The following MRGBP variants were observed in gnomAD, a reference collection of about 807,000 sequenced individuals.
The protein encoded by MRGBP is MRG domain binding protein, also known as MRG/MORF4L-binding protein.
A neutral mutation model predicts 21.5 loss-of-function variants in MRGBP; 5 were observed. The observed-to-expected ratio is 0.23, with a 90% CI of 0.12 to 0.49. The LOEUF (loss-of-function observed/expected upper bound fraction) is 0.49, where lower values mean the gene tolerates loss of function less well. Ranked by LOEUF, MRGBP falls within the 20% of genes least tolerant of loss-of-function variation. The pLI, the probability that MRGBP is intolerant of heterozygous loss-of-function variation, is 0.98. For missense variants in MRGBP, 227 were observed against 277.4 expected (o/e 0.82, Z 1.29); for synonymous variants, 118 against 104.4 (o/e 1.13, Z -0.79).
In MRGBP at chr20:62,799,994, C is replaced by T; in HGVS notation, c.*351C>T. ...GCTGCAGCATTTGGGATCCAGGCTACCTAGAGGGGCATCGGGCCAGGGAAA... is the reference window on the plus strand; with the variant it reads ...GCTGCAGCATTTGGGATCCAGGCTATCTAGAGGGGCATCGGGCCAGGGAAA... On this transcript the variant is annotated 3_prime_UTR_variant, in exon 5 of 5. Transcript: ENST00000370487. 8.7e-6 allele frequency: 2 copies of T among 229,906 alleles called. No individual in the cohort carries two copies. The highest frequency in any genetic ancestry group is 1.7e-5 in the Non-Finnish European group (2 of 118,016). The allele number at this position is 229,906 out of a possible 1,614,324, so 14.2% of individuals were successfully genotyped here. A position where few individuals can be genotyped will look rare whatever the true frequency, so the allele number is the denominator to read the frequency against.
chr20:62,796,492 C>A lies in MRGBP; in HGVS notation c.-32C>A. 2 of 1,117,220 alleles carry A rather than the reference C, an allele frequency of 1.8e-6. No homozygotes were observed. The highest frequency in any genetic ancestry group is 4.3e-5 in the South Asian group (1 of 23,348). 69.2% of individuals were successfully genotyped at this position (1,117,220 alleles called of 1,614,324 possible). ...GAGCTCGTGGCCGCGCCTGCTCCCG[C>A]CGGGGGCTCCTTGCTCGGCCGGGCC... On this transcript the variant is annotated 5_prime_UTR_variant, in exon 1 of 5. Coordinates refer to ENST00000370487, the MANE Select transcript of MRGBP (RefSeq NM_018270.6).
Position 62,800,714 on chromosome 20 carries a change from TACAAC to T in MRGBP, c.*1073_*1077del, listed in dbSNP as rs1254982063. On this transcript the variant is annotated 3_prime_UTR_variant, in exon 5 of 5. Transcript: ENST00000370487. ...AGATGACTTATTAACATTCACTTGA[TACAAC>T]ATATAAACAAAATAGTAACAGATTC... is the stretch of plus-strand genomic sequence containing the variant. The T allele has an allele frequency of 6.6e-6, 1 of 152,260 alleles. No individual in the cohort carries two copies. Among genetic ancestry groups the T allele is most frequent in the Non-Finnish European group, 1.5e-5 (1 of 68,054 alleles). The allele number at this position is 152,260 out of a possible 1,614,324, so 9.4% of individuals were successfully genotyped here.
At chr20:62,797,004 C>A (rs2147174125) in intron 1 of MRGBP, 106 bp from the exon 2 acceptor site, 1 of 673,928 alleles carries the variant, frequency 1.5e-6, no homozygotes, top group Non-Finnish European at 2.1e-6. Context: ...CCCTCCCCAT[C>A]TCTCCGCAGC....
intron 2 of MRGBP, among the ~76,000 whole-genome samples, chr20:62,798,330 C>G: frequency 6.6e-6 from 1 of 152,310 alleles, no homozygotes; most frequent in East Asian, 1.9e-4. Context: ...ATGCTGGCCC[C>G]GGTGGGTCTT....
At chr20:62,798,903 C>A (rs1990393364) in intron 3 of MRGBP, 72 bp from the exon 4 acceptor site, 1 of 1,605,830 alleles carries the variant, frequency 6.2e-7, no homozygotes, top group Non-Finnish European at 8.5e-7. Context: ...CGGAGCAGTC[C>A]CTGGCCTGAC....
At chr20:62,799,377 G>A (rs76839923) in intron 4 of MRGBP, 79 bp from the exon 5 acceptor site, 61,999 of 1,485,966 alleles carry the variant, frequency 0.042, 1,846 homozygotes, top group East Asian at 0.15. Flanking sequence ...TCAGTATGCA[G>A]ATTTTTTTAA....
rs1279378824 is a variant in MRGBP, at chr20:62,799,328, C to T, written c.428-128C>T. The T allele has an allele frequency of 6.3e-6, 7 of 1,115,086 alleles. No homozygotes were observed. The African/African-American group carries it at 9.5e-5, about 15-fold the overall frequency. 69.1% of individuals were successfully genotyped at this position (1,115,086 alleles called of 1,614,324 possible). On this transcript the variant is annotated intron_variant, in intron 4 of 4. Coordinates refer to ENST00000370487, the MANE Select transcript of MRGBP (RefSeq NM_018270.6). ...CTGTGGGCCCAAATGCAAGGGGCTC[C>T]CAGCTCAGGAGGAAGCTTTGGGTTC...
At position 62,801,240 on chromosome 20, in the gene MRGBP, C is replaced by T. The variant is rs1293313294; in HGVS notation, c.*1597C>T. On this transcript the variant is annotated 3_prime_UTR_variant, in exon 5 of 5. Coordinates refer to ENST00000370487, the MANE Select transcript of MRGBP (RefSeq NM_018270.6). ...TGTATTCCAAGGGTAGAGCAGCTGC[C>T]TGGGGGGACCCTGTGGGTCCCTTTT... is the stretch of plus-strand genomic sequence containing the variant. 2 of 152,198 alleles carry T rather than the reference C, an allele frequency of 1.3e-5. No individual in the cohort carries two copies. Among genetic ancestry groups the T allele is most frequent in the Admixed American group, 6.5e-5 (1 of 15,288 alleles). 9.4% of individuals were successfully genotyped at this position (152,198 alleles called of 1,614,324 possible). A position where few individuals can be genotyped will look rare whatever the true frequency, so the allele number is the denominator to read the frequency against.
chr20:62,798,921 C>T (rs1990393878), intron 3 of MRGBP, 54 bp from the exon 4 acceptor site: 1 of 1,610,344 alleles, frequency 6.2e-7, no homozygotes, highest in Admixed American at 1.7e-5. Flanking sequence ...GACCATCCCC[C>T]AGCGTCGGCC....
intron 3 of MRGBP, 81 bp from the exon 4 acceptor site, chr20:62,798,894 G>A (rs1568731794): frequency 3.8e-6 from 6 of 1,599,146 alleles, no homozygotes; most frequent in South Asian, 1.1e-5. Context: ...AGCAAGCGTC[G>A]GAGCAGTCCC....
chr20:62,797,115 A>C lies in MRGBP; in HGVS notation c.154A>C (p.Asn52His), dbSNP rs1990355115. 6.2e-7 allele frequency: 1 copy of C among 1,600,782 alleles called. No individual in the cohort carries two copies. Among genetic ancestry groups the C allele is most frequent in the African/African-American group, 1.4e-5 (1 of 72,840 alleles). Residue 52 changes from asparagine to histidine, a missense_variant, in exon 2 of 5, where the codon AAC (asparagine) becomes CAC (histidine). Asn to His is a moderately conservative substitution (Grantham distance 68, BLOSUM62 1). Transcript: ENST00000370487. ...GCCGCCCCTCCTCCCCTCAGGTGTG[A>C]ACCGACACTTCCACATGATTTGTAT... ...AMLGHKPVGV[N>H]RHFHMICIRD...
In MRGBP at chr20:62,796,562, C is replaced by T. The variant is rs761719364; in HGVS notation, c.39C>T (p.Gly13=). 47 of 1,225,436 alleles carry T rather than the reference C, an allele frequency of 3.8e-5. No homozygotes were observed. Among genetic ancestry groups the T allele is most frequent in the Middle Eastern group, 3.1e-4 (1 of 3,182 alleles). 75.9% of individuals were successfully genotyped at this position (1,225,436 alleles called of 1,614,324 possible). A position where few individuals can be genotyped will look rare whatever the true frequency, so the allele number is the denominator to read the frequency against. ...EAEVGGGGAA[G]DKGPGEAATS... ...AGGTGGGCGGCGGGGGCGCCGCAGGCGACAAGGGCCCGGGGGAGGCGGCCA... is the reference window on the plus strand; with the variant it reads ...AGGTGGGCGGCGGGGGCGCCGCAGGTGACAAGGGCCCGGGGGAGGCGGCCA... The change falls in exon 1 of 5, where the codon GGC becomes GGT. Residue 13 remains glycine (G), a synonymous_variant. Transcript: ENST00000370487.
Position 62,796,536 on chromosome 20 carries a change from G to A in MRGBP, c.13G>A (p.Glu5Lys). ...CCGGGCCGCGGCCATGGGAGAGGCC[G>A]AGGTGGGCGGCGGGGGCGCCGCAGG... MGEAEVGGGGAAGDK... is the reference protein window; with the variant it reads MGEAKVGGGGAAGDK... The change falls in exon 1 of 5, where the codon GAG becomes AAG. Residue 5 changes from glutamate to lysine, a missense_variant. By Grantham distance (56) the Glu-to-Lys change is moderately conservative (BLOSUM62 1). Coordinates refer to ENST00000370487, the MANE Select transcript of MRGBP (RefSeq NM_018270.6). 1.7e-6 allele frequency: 2 copies of A among 1,179,632 alleles called. No homozygotes were observed. The highest frequency in any genetic ancestry group is 2.1e-6 in the Non-Finnish European group (2 of 952,114). The allele number at this position is 1,179,632 out of a possible 1,614,324, so 73.1% of individuals were successfully genotyped here.
Position 62,801,211 on chromosome 20 carries a change from G to C in MRGBP, c.*1568G>C, listed in dbSNP as rs1297238553. Reference sequence around the variant, plus strand: ...GAAGCTGCTGGTCTACGGCCTGCCTGAGCTGTATTCCAAGGGTAGAGCAGC... The same window carrying C: ...GAAGCTGCTGGTCTACGGCCTGCCTCAGCTGTATTCCAAGGGTAGAGCAGC... On this transcript the variant is annotated 3_prime_UTR_variant, in exon 5 of 5. Coordinates refer to ENST00000370487, the MANE Select transcript of MRGBP (RefSeq NM_018270.6). The C allele has an allele frequency of 6.6e-6, 1 of 152,276 alleles. No individual in the cohort carries two copies. Among genetic ancestry groups the C allele is most frequent in the East Asian group, 1.9e-4 (1 of 5,194 alleles). 9.4% of individuals were successfully genotyped at this position (152,276 alleles called of 1,614,324 possible).
Position 62,797,308 on chromosome 20 carries a change from C to T in MRGBP, c.270+77C>T, listed in dbSNP as rs943631660. 8.1e-6 allele frequency: 12 copies of T among 1,473,150 alleles called. No homozygotes were observed. In the African/African-American group the frequency reaches 1.6e-4, roughly 20 times the overall value. 91.3% of individuals were successfully genotyped at this position (1,473,150 alleles called of 1,614,324 possible). A position where few individuals can be genotyped will look rare whatever the true frequency, so the allele number is the denominator to read the frequency against. ...ACCGCTCTCTGAGAGTCAGCCTGAGCTGGGCAGAGGCCCCTCCATGTCTGC... is the reference window on the plus strand; with the variant it reads ...ACCGCTCTCTGAGAGTCAGCCTGAGTTGGGCAGAGGCCCCTCCATGTCTGC... On this transcript the variant is annotated intron_variant, in intron 2 of 4. Transcript: ENST00000370487.
chr20:62,797,256 C>T, intron 2 of MRGBP, 25 bp downstream of exon 2: 5 of 1,533,316 alleles, frequency 3.3e-6, no homozygotes, highest in Non-Finnish European at 3.5e-6. Context: ...CCTCCCTGTG[C>T]CGCCCGATGG....
In MRGBP at chr20:62,799,787, G is replaced by A; in HGVS notation, c.*144G>A. Reference sequence around the variant, plus strand: ...ACACTGCCCGCCCTCAGGCTCTCAGGTGAACGTGGCCGTCAGCGGGGAAAC... The same window carrying A: ...ACACTGCCCGCCCTCAGGCTCTCAGATGAACGTGGCCGTCAGCGGGGAAAC... On this transcript the variant is annotated 3_prime_UTR_variant, in exon 5 of 5. Transcript: ENST00000370487. 1 of 909,012 alleles carries A rather than the reference G, an allele frequency of 1.1e-6. No individual in the cohort carries two copies. The highest frequency in any genetic ancestry group is 1.6e-6 in the Non-Finnish European group (1 of 619,408). The allele number at this position is 909,012 out of a possible 1,614,324, so 56.3% of individuals were successfully genotyped here.
intron 1 of MRGBP, 120 bp downstream of exon 1, chr20:62,796,791 C>A: frequency 1.9e-6 from 2 of 1,025,900 alleles, no homozygotes; most frequent in Non-Finnish European, 2.4e-6. Flanking sequence ...GCCGTGACAC[C>A]GCCGCCACAC....
chr20:62,796,730 C>T (rs897859299), intron 1 of MRGBP, 59 bp downstream of exon 1: 3 of 1,194,878 alleles, frequency 2.5e-6, no homozygotes, highest in Non-Finnish European at 3.1e-6. Flanking sequence ...CGGGGCGGGG[C>T]GGGGCCTGCG....
Sources: allele counts gnomAD v4.1 joint callset (sites outside exome capture counted in the v4.1 genomes callset), GRCh38; gene constraint gnomAD v4.1.1; transcripts MANE v1.5; gene names NCBI Gene and HGNC (gene_info 2026-07-23, HGNC 2026-07-21).